Variants in ABR observed in about 807,000 individuals in gnomAD.
ABR encodes the protein active breakpoint cluster region-related protein.
A neutral mutation model predicts 107.2 loss-of-function variants in ABR; 35 were observed. The ratio of observed to expected loss-of-function variants is 0.33; its 90% CI spans 0.25 to 0.43. The LOEUF (loss-of-function observed/expected upper bound fraction) is 0.43, where lower values mean the gene tolerates loss of function less well. Ranked by LOEUF, ABR falls within the 20% of genes least tolerant of loss-of-function variation. ABR has a pLI of 1.00. For synonymous variants in ABR, 498 were observed against 462.0 expected (o/e 1.08, Z -1.00); for missense variants, 815 against 1,115.2 (o/e 0.73, Z 3.83).
intron 9 of ABR, 37 bp downstream of exon 9, chr17:1,069,932 C>A: frequency 6.4e-7 from 1 of 1,557,420 alleles, no homozygotes; most frequent in South Asian, 1.1e-5. Flanking sequence ...GTCCGGACCC[C>A]CTCCCCCGCC....
intron 1 of ABR, among the ~76,000 whole-genome samples, chr17:1,208,319 C>T (rs186834849): frequency 2.0e-5 from 3 of 152,294 alleles, no homozygotes; most frequent in Admixed American, 6.5e-5. Flanking sequence ...GGAGCAGCAA[C>T]GCAGGGCACC....
chr17:1,133,977 G>A (rs1395249207), intron 1 of ABR, among the ~76,000 whole-genome samples: 1 of 152,192 alleles, frequency 6.6e-6, no homozygotes, highest in East Asian at 1.9e-4. Context: ...CTGCCACCAG[G>A]AACAGGTCAA....
intron 1 of ABR, among the ~76,000 whole-genome samples, chr17:1,135,207 G>A (rs12947433): frequency 0.27 from 40,856 of 151,866 alleles, 5,964 homozygotes; most frequent in East Asian, 0.41. Context: ...GGAGAGGGCC[G>A]TGCTGGAGAG....
upstream of ABR, among the ~76,000 whole-genome samples, chr17:1,191,414 G>A (rs1307782723): frequency 7.1e-6 from 1 of 140,158 alleles, no homozygotes; most frequent in African/African-American, 2.7e-5. Flanking sequence ...CTGGAGTGCA[G>A]TGGCGCAATC....
rs2070417686 is a variant in ABR, at chr17:1,010,272, T to C, written c.2236+457A>G. On this transcript the variant is annotated intron_variant, in intron 20 of 22. Transcript: ENST00000302538. This position sits in a 1 kb window ranked among gnomAD's most constrained non-coding sequence, Gnocchi z 4.1. Reference sequence around the variant, plus strand: ...TGGGGCTGGGTTTGGCCCAGGTGGGTGGAGGCGGAAGGCCTGCTGGCCGGG... The same window carrying C: ...TGGGGCTGGGTTTGGCCCAGGTGGGCGGAGGCGGAAGGCCTGCTGGCCGGG... 4.6e-6 allele frequency: 1 copy of C among 217,808 alleles called. No individual in the cohort carries two copies. Among genetic ancestry groups the C allele is most frequent in the Admixed American group, 5.1e-5 (1 of 19,424 alleles). 13.5% of individuals were successfully genotyped at this position (217,808 alleles called of 1,614,324 possible). A position where few individuals can be genotyped will look rare whatever the true frequency, so the allele number is the denominator to read the frequency against.
At chr17:1,214,942 A>G (rs1161012858) in intron 1 of ABR, among the ~76,000 whole-genome samples, 1 of 151,926 alleles carries the variant, frequency 6.6e-6, no homozygotes, top group Non-Finnish European at 1.5e-5. Context: ...GCTCTTGACC[A>G]GGTGGGGTGG....
chr17:1,192,366 T>C (rs1228840254), intron 1 of ABR, among the ~76,000 whole-genome samples: 1 of 146,494 alleles, frequency 6.8e-6, no homozygotes, highest in East Asian at 1.9e-4. Flanking sequence ...GATAATAGAC[T>C]TCAGACATGC....
intron 16 of ABR, chr17:1,031,974 G>GC (rs2072843200): frequency 2.6e-6 from 2 of 764,398 alleles, no homozygotes; most frequent in East Asian, 7.8e-5. Flanking sequence ...CAGGCTGAGC[G>GC]CCGCCTCCCA....
chr17:1,080,847 C>A (rs1293993924), intron 5 of ABR, among the ~76,000 whole-genome samples: 1 of 152,134 alleles, frequency 6.6e-6, no homozygotes, highest in African/African-American at 2.4e-5. Flanking sequence ...TGTTTCCTCA[C>A]GCCCCCTCCA....
upstream of ABR, among the ~76,000 whole-genome samples, chr17:1,181,595 G>A (rs1274657571): frequency 2.6e-5 from 4 of 152,204 alleles, no homozygotes; most frequent in African/African-American, 9.7e-5. Context: ...GCAGGGAGGG[G>A]GCGTGCATCT....
Position 1,006,158 on chromosome 17 carries a change from G to A in ABR, c.2502C>T (p.Leu834=). The A allele has an allele frequency of 6.3e-7, 1 of 1,580,940 alleles. No homozygotes were observed. Among genetic ancestry groups the A allele is most frequent in the Non-Finnish European group, 8.6e-7 (1 of 1,162,984 alleles). The part of the protein sequence containing the change: ...SHDVMAQVQV[L]LYYLQHPPIS... Reference sequence around the variant, plus strand: ...TGGGGGGGTGCTGCAGGTAGTAGAGGAGGACCTGGACCTGTGGGGAGACAG... The same window carrying A: ...TGGGGGGGTGCTGCAGGTAGTAGAGAAGGACCTGGACCTGTGGGGAGACAG... Residue 834 remains leucine, a synonymous_variant, in exon 23 of 23, where the codon CTC becomes CTT. Coordinates refer to ENST00000302538, the MANE Select transcript of ABR (RefSeq NM_021962.5).
upstream of ABR, among the ~76,000 whole-genome samples, chr17:1,180,176 C>CG (rs545949160): frequency 0.017 from 2,543 of 151,236 alleles, 67 homozygotes; most frequent in African/African-American, 0.058. Context: ...GCGGGGGTCT[C>CG]GGGGGGTCTC....
intron 2 of ABR, among the ~76,000 whole-genome samples, chr17:1,107,333 C>CA (rs1309722444): frequency 1.3e-5 from 2 of 152,234 alleles, no homozygotes; most frequent in Non-Finnish European, 2.9e-5. Flanking sequence ...CAGCGGGCCT[C>CA]ACACATTGTG....
chr17:1,049,873 G>T, intron 16 of ABR, 177 bp downstream of exon 16: 1 of 836,406 alleles, frequency 1.2e-6, no homozygotes. Flanking sequence ...CTGGGCTTCC[G>T]GGGCCACAAC....
intron 1 of ABR, among the ~76,000 whole-genome samples, chr17:1,152,219 C>T (rs939127310): frequency 1.3e-5 from 2 of 151,088 alleles, no homozygotes; most frequent in Non-Finnish European, 2.9e-5. Context: ...GAACCTAGAG[C>T]TTGCAGTGAG....
chr17:1,079,136 G>A (rs2035991713), intron 6 of ABR, 194 bp downstream of exon 6: 2 of 1,436,866 alleles, frequency 1.4e-6, no homozygotes, highest in East Asian at 2.5e-5. Flanking sequence ...TGGCTGCCTG[G>A]GCACGAGGCT....
At chr17:1,187,583 A>ACCTTCACTAAAATATCCTCAAATGGG (rs1270239569), upstream of ABR, among the ~76,000 whole-genome samples, 7 of 152,298 alleles carry the variant, frequency 4.6e-5, no homozygotes, top group South Asian at 2.1e-4. Flanking sequence ...GCCGGACAAA[A>ACCTTCACTAAAATATCCTCAAATGGG]CCTTCACTAA....
intron 1 of ABR, among the ~76,000 whole-genome samples, chr17:1,214,399 T>C (rs1391749129): frequency 6.6e-6 from 1 of 152,206 alleles, no homozygotes; most frequent in African/African-American, 2.4e-5. Context: ...TTAGGCAAAA[T>C]ATTTAAATTA....
At position 1,058,023 on chromosome 17, in the gene ABR, G is replaced by A. The variant is rs2033533015; in HGVS notation, c.1328C>T (p.Ser443Leu). The change falls in exon 12 of 23, where the codon TCG becomes TTG. Residue 443 changes from serine (S) to leucine (L), a missense_variant. Physicochemically the swap from Ser to Leu is moderately radical, Grantham distance 145 (BLOSUM62 -2). This residue lies in a region of ABR where 385 missense variants were observed against 596.9 expected (regional missense o/e 0.64). Coordinates refer to ENST00000302538, the MANE Select transcript of ABR (RefSeq NM_021962.5). ...TCTCCACTCTGACCTCTCGTAGTCCGAGGACAGTAGGAACAGGTAACTCTG... is the reference window on the plus strand; with the variant it reads ...TCTCCACTCTGACCTCTCGTAGTCCAAGGACAGTAGGAACAGGTAACTCTG... ...NGKSYLFLLSSDYERSEWREA... is the reference protein window; with the variant it reads ...NGKSYLFLLSLDYERSEWREA... The A allele has an allele frequency of 2.5e-6, 4 of 1,613,862 alleles. No individual in the cohort carries two copies. The highest frequency in any genetic ancestry group is 3.4e-6 in the Non-Finnish European group (4 of 1,179,862).
Sources: allele counts gnomAD v4.1 joint callset (sites outside exome capture counted in the v4.1 genomes callset), GRCh38; gene constraint gnomAD v4.1.1; regional missense constraint gnomAD v4.1.1; non-coding constraint Gnocchi (gnomAD v3.1); transcripts MANE v1.5; gene names NCBI Gene and HGNC (gene_info 2026-07-23, HGNC 2026-07-21).